The following RIN3 variants were observed in gnomAD, a reference collection of about 807,000 sequenced individuals.
RIN3 encodes Ras and Rab interactor 3.
A neutral mutation model predicts 76.3 loss-of-function variants in RIN3; 54 were observed. The ratio of observed to expected loss-of-function variants is 0.71; its 90% CI spans 0.57 to 0.89. The LOEUF (loss-of-function observed/expected upper bound fraction) is 0.89, where lower values mean the gene tolerates loss of function less well. Among genes scored for constraint, RIN3 ranks in the 40% least tolerant of loss-of-function variants. The pLI is 0.00. For synonymous variants in RIN3, 576 were observed against 564.0 expected, an observed-to-expected ratio of 1.02 and a Z score of -0.30; for missense variants, 1,256 against 1,322.1, an observed-to-expected ratio of 0.95 and a Z score of 0.78.
chr14:92,605,287 C>G (rs1233292042), intron 3 of RIN3, among the ~76,000 whole-genome samples: 1 of 152,082 alleles, frequency 6.6e-6, no homozygotes, highest in Non-Finnish European at 1.5e-5. Context: ...GAAAAATGCC[C>G]TAGTCAAAGA....
rs1028129909 is a variant in RIN3 at position 92,685,869 on chromosome 14, C to G, written c.2631+719C>G. On this transcript the variant is annotated intron_variant, in intron 9 of 9. Coordinates refer to ENST00000216487, the MANE Select transcript of RIN3 (RefSeq NM_024832.5). This position sits in a 1 kb window ranked among gnomAD's most constrained non-coding sequence, Gnocchi z 4.7. The stretch of plus-strand genomic sequence containing the variant: ...AGCCTTCCCTGATACACACACACAC[C>G]GTTTCACACAGGCTGGGTGGGGTGC... The G allele has an allele frequency of 6.6e-6, 1 of 152,592 alleles. No homozygotes were observed. The highest frequency in any genetic ancestry group is 1.5e-5 in the Non-Finnish European group (1 of 68,370). 9.5% of individuals were successfully genotyped at this position (152,592 alleles called of 1,614,324 possible). A position where few individuals can be genotyped will look rare whatever the true frequency, so the allele number is the denominator to read the frequency against.
At chr14:92,641,745 G>T (rs1328929963) in intron 5 of RIN3, among the ~76,000 whole-genome samples, 1 of 152,210 alleles carries the variant, frequency 6.6e-6, no homozygotes, top group East Asian at 1.9e-4. Flanking sequence ...GCCCTTGCGG[G>T]TCCTGTCCTG....
intron 4 of RIN3, among the ~76,000 whole-genome samples, chr14:92,624,907 G>A (rs1471721610): frequency 6.6e-6 from 1 of 152,190 alleles, no homozygotes; most frequent in African/African-American, 2.4e-5. Context: ...TCAGACTGCA[G>A]TTTCAGTTGT....
intron 3 of RIN3, among the ~76,000 whole-genome samples, chr14:92,587,067 G>A (rs1884803271): frequency 6.6e-6 from 1 of 152,220 alleles, no homozygotes; most frequent in African/African-American, 2.4e-5. Context: ...GTGGGATTCG[G>A]CCAGGTCACG....
At chr14:92,566,197 A>G (rs1177544658) in intron 2 of RIN3, among the ~76,000 whole-genome samples, 1 of 152,164 alleles carries the variant, frequency 6.6e-6, no homozygotes, top group Non-Finnish European at 1.5e-5. Flanking sequence ...GGGCTAGTTT[A>G]GCAGCTCTTT....
intron 1 of RIN3, among the ~76,000 whole-genome samples, chr14:92,527,798 G>T (rs769936157): frequency 6.6e-6 from 1 of 152,116 alleles, no homozygotes; most frequent in African/African-American, 2.4e-5. Flanking sequence ...ATGCATTTGA[G>T]GTCTGCCTGG....
intron 3 of RIN3, among the ~76,000 whole-genome samples, chr14:92,586,922 T>C (rs1279110997): frequency 1.3e-5 from 2 of 152,242 alleles, no homozygotes; most frequent in East Asian, 1.9e-4. Flanking sequence ...AAAAGAGAAA[T>C]TGAGGAACAG....
At chr14:92,682,825 C>A (rs2140176371) in intron 8 of RIN3, among the ~76,000 whole-genome samples, 1 of 152,256 alleles carries the variant, frequency 6.6e-6, no homozygotes, top group South Asian at 2.1e-4. Flanking sequence ...GTAGAAGGGG[C>A]AGACGCGATT....
At chr14:92,547,075 A>T (rs1202076965) in intron 1 of RIN3, among the ~76,000 whole-genome samples, 1 of 86,848 alleles carries the variant, frequency 1.2e-5, no homozygotes, top group African/African-American at 4.0e-5. Flanking sequence ...ATTTTATTTT[A>T]TATTATATTA....
At chr14:92,575,751 T>C (rs1898205904) in intron 2 of RIN3, among the ~76,000 whole-genome samples, 1 of 152,146 alleles carries the variant, frequency 6.6e-6, no homozygotes, top group Admixed American at 6.5e-5. Context: ...TTGGTGGGTT[T>C]GGGCCGGCTT....
intron 4 of RIN3, among the ~76,000 whole-genome samples, chr14:92,628,600 G>A (rs1405534119): frequency 3.3e-5 from 5 of 152,250 alleles, no homozygotes; most frequent in South Asian, 4.1e-4. Flanking sequence ...ATAAGGCCAC[G>A]CTTTCCCATG....
intron 3 of RIN3, among the ~76,000 whole-genome samples, chr14:92,611,390 C>T (rs1440556248): frequency 2.6e-5 from 4 of 152,164 alleles, no homozygotes; most frequent in African/African-American, 7.2e-5. Flanking sequence ...ATTCTCATGC[C>T]TCAGCCCCCC....
At chr14:92,537,327 G>GGTA (rs1897022743) in intron 1 of RIN3, among the ~76,000 whole-genome samples, 2 of 152,026 alleles carry the variant, frequency 1.3e-5, no homozygotes, top group African/African-American at 4.8e-5. Context: ...GTACACAGAA[G>GGTA]GTATTCTCAT....
chr14:92,542,934 G>C (rs572013757), intron 1 of RIN3, among the ~76,000 whole-genome samples: 32 of 152,274 alleles, frequency 2.1e-4, no homozygotes, highest in African/African-American at 7.7e-4. Flanking sequence ...TAGAGGGAAG[G>C]GGGCAGGGCT....
intron 7 of RIN3, among the ~76,000 whole-genome samples, chr14:92,667,658 GAAACATTTGCTGCTAT>G (rs1046460130): frequency 6.6e-6 from 1 of 152,192 alleles, no homozygotes. Flanking sequence ...ATTGGTTAAG[GAAACATTTGCTGCTAT>G]AAACATTTGC....
intron 3 of RIN3, among the ~76,000 whole-genome samples, chr14:92,588,094 C>T (rs981496278): frequency 8.6e-5 from 13 of 151,904 alleles, no homozygotes; most frequent in African/African-American, 2.7e-4. Context: ...ATCCCATCCA[C>T]GAGGGAGGAG....
chr14:92,652,047 C>T lies in RIN3; in HGVS notation c.998C>T (p.Pro333Leu), dbSNP rs773401497. 42 of 1,602,128 alleles carry T rather than the reference C, an allele frequency of 2.6e-5. No individual in the cohort carries two copies. Among genetic ancestry groups the T allele is most frequent in the African/African-American group, 8.1e-5 (6 of 74,418 alleles). Reference protein sequence around the residue: ...TPHAPGPPDHPNQPPMMTCER... With the variant: ...TPHAPGPPDHLNQPPMMTCER... ...CATGCCCCAGGTCCCCCAGACCATC[C>T]GAACCAGCCGCCCATGATGACCTGC... The change falls in exon 6 of 10, where the codon CCG (proline) becomes CTG (leucine). Residue 333 changes from proline (P) to leucine (L), a missense_variant. Pro to Leu is a moderately conservative substitution (Grantham distance 98). This residue lies in a region of RIN3 where 610 missense variants were observed against 626.4 expected (regional missense o/e 0.97). Transcript: ENST00000216487. This position sits in a 1 kb window ranked among gnomAD's most constrained non-coding sequence, Gnocchi z 6.4.
At chr14:92,665,653 T>C (rs1273686007) in intron 7 of RIN3, among the ~76,000 whole-genome samples, 1 of 152,114 alleles carries the variant, frequency 6.6e-6, no homozygotes, top group Non-Finnish European at 1.5e-5. Context: ...AGTGCTGGGA[T>C]TACAAGCGTG....
In RIN3 at chr14:92,589,468, G is replaced by C. The variant is rs561312528; in HGVS notation, c.367+11991G>C. Among the ~76,000 whole-genome samples, 3 of 152,272 alleles carry C rather than the reference G, an allele frequency of 2.0e-5. No homozygotes were observed. In the South Asian group the frequency reaches 6.2e-4, roughly 32 times the overall value. On this transcript the variant is annotated intron_variant, in intron 3 of 9. Coordinates refer to ENST00000216487, the MANE Select transcript of RIN3 (RefSeq NM_024832.5). ...GTGTTCAGCAAATACTGGTCGACTGGCTAATAACAGCTCACACCTGTGCAG... is the reference window on the plus strand; with the variant it reads ...GTGTTCAGCAAATACTGGTCGACTGCCTAATAACAGCTCACACCTGTGCAG...
Sources: gnomAD v4.1 joint callset for allele counts (sites outside exome capture counted in the v4.1 genomes callset) on GRCh38, gnomAD v4.1.1 for gene constraint, gnomAD v4.1.1 regional missense constraint, Gnocchi (gnomAD v3.1) non-coding constraint, MANE v1.5 for transcripts, NCBI Gene and HGNC (gene_info 2026-07-23, HGNC 2026-07-21) for gene names.